The following CYREN variants were observed in gnomAD, a reference collection of about 807,000 sequenced individuals.
CYREN encodes cell cycle regulator of non-homologous end joining.
A neutral mutation model predicts 9.7 loss-of-function variants in CYREN; 7 were observed. The ratio of observed to expected loss-of-function variants is 0.72; its 90% CI spans 0.41 to 1.36. The LOEUF is 1.36. CYREN is among the 40% of genes most tolerant of loss of function. The pLI, the probability that CYREN is intolerant of heterozygous loss-of-function variation, is 0.01. For synonymous variants in CYREN, 76 were observed against 77.9 expected (o/e 0.98, Z 0.13); for missense variants, 215 against 198.1 (o/e 1.09, Z -0.51).
At position 135,115,641 on chromosome 7, in the gene CYREN, C is replaced by G. The variant is rs868252390; in HGVS notation, n.357-21059G>C. 5 of 1,426,156 alleles carry G rather than the reference C, an allele frequency of 3.5e-6. No homozygotes were observed. The Middle Eastern group carries it at 7.2e-4, about 205-fold the overall frequency. 88.3% of individuals were successfully genotyped at this position (1,426,156 alleles called of 1,614,324 possible). ...GTCAATACAATTTTATCACTCTTAT[C>G]TATTTAACACATCTTTTTTAAAAAA... On this transcript the variant is annotated intron_variant and non_coding_transcript_variant, in intron 2 of 2. Transcript: ENST00000459937.
At chr7:135,116,642 G>A (rs946690745) in intron 2 of CYREN, among the ~76,000 whole-genome samples, 4 of 152,172 alleles carry the variant, frequency 2.6e-5, no homozygotes, top group African/African-American at 9.7e-5. Context: ...GAGGGTCAAA[G>A]TTCTGGCTTC....
At chr7:135,150,204 C>G (rs973240620) in intron 2 of CYREN, among the ~76,000 whole-genome samples, 1 of 152,072 alleles carries the variant, frequency 6.6e-6, no homozygotes, top group African/African-American at 2.4e-5. Context: ...GTTAGCTGAT[C>G]AATTGCTTCA....
downstream of CYREN, among the ~76,000 whole-genome samples, chr7:135,161,257 CA>C (rs773873969): frequency 4.6e-5 from 7 of 152,186 alleles, no homozygotes; most frequent in East Asian, 1.9e-4. This position sits in a 1 kb window ranked among gnomAD's most constrained non-coding sequence, Gnocchi z 4.1. Context: ...GGAGCTGCCG[CA>C]AGGTGGCTGA....
intron 2 of CYREN, among the ~76,000 whole-genome samples, chr7:135,155,191 C>T (rs1043232808): frequency 6.6e-6 from 1 of 152,126 alleles, no homozygotes; most frequent in Non-Finnish European, 1.5e-5. Context: ...CATGGAATAT[C>T]TTTTTCCACC....
downstream of CYREN, chr7:135,164,425 G>T (rs754822323): frequency 4.4e-6 from 7 of 1,587,058 alleles, no homozygotes; most frequent in Non-Finnish European, 6.0e-6. Context: ...CAGGTCCCCC[G>T]GCAGAGGGCA....
chr7:135,137,908 CTCT>C (rs1385703377), intron 2 of CYREN, among the ~76,000 whole-genome samples: 2 of 152,012 alleles, frequency 1.3e-5, no homozygotes, highest in East Asian at 3.9e-4. Flanking sequence ...CATCCCACGT[CTCT>C]TCTTATGATC....
At chr7:135,149,534 G>A (rs1280857618) in intron 2 of CYREN, among the ~76,000 whole-genome samples, 1 of 152,156 alleles carries the variant, frequency 6.6e-6, no homozygotes, top group Non-Finnish European at 1.5e-5. Context: ...GCTGTCTTAG[G>A]ATAGATTTAT....
At chr7:135,112,125 C>G (rs1286300562) in intron 2 of CYREN, among the ~76,000 whole-genome samples, 1 of 152,198 alleles carries the variant, frequency 6.6e-6, no homozygotes, top group Admixed American at 6.5e-5. Context: ...TCTAAAGATT[C>G]TCTTGAATCT....
chr7:135,103,734 G>T (rs932453370), intron 2 of CYREN, among the ~76,000 whole-genome samples: 2 of 152,192 alleles, frequency 1.3e-5, no homozygotes, highest in African/African-American at 4.8e-5. Context: ...AATAAGCAGA[G>T]TCAGGCAGAT....
At chr7:135,150,338 GTTTA>G (rs1236329321) in intron 2 of CYREN, among the ~76,000 whole-genome samples, 2 of 152,100 alleles carry the variant, frequency 1.3e-5, no homozygotes, top group Non-Finnish European at 2.9e-5. Context: ...CACTCACCCT[GTTTA>G]TTTCTTTCCC....
At chr7:135,107,608 A>G (rs1352282780) in intron 2 of CYREN, among the ~76,000 whole-genome samples, 1 of 152,068 alleles carries the variant, frequency 6.6e-6, no homozygotes, top group Admixed American at 6.6e-5. Flanking sequence ...GTTCTTTTGC[A>G]TTTCCTGAGA....
chr7:135,094,372 T>G (rs749390723), exon 3 of CYREN: 12 of 456,578 alleles, frequency 2.6e-5, no homozygotes, highest in Non-Finnish European at 5.3e-5. Flanking sequence ...TGCTGAGATC[T>G]GCTTGTCTGA....
chr7:135,096,600 G>GATAGATAGATAGATAC (rs1563260291), intron 2 of CYREN, among the ~76,000 whole-genome samples: 1 of 80,810 alleles, frequency 1.2e-5, no homozygotes, highest in East Asian at 4.8e-4. Context: ...TAGATAGATA[G>GATAGATAGATAGATAC]ATAGATAGAT....
chr7:135,098,534 C>T (rs1823272306), intron 2 of CYREN, among the ~76,000 whole-genome samples: 1 of 152,172 alleles, frequency 6.6e-6, no homozygotes, highest in Admixed American at 6.5e-5. Flanking sequence ...ACAAACAATG[C>T]CAACTGTATT....
Position 135,169,005 on chromosome 7 carries a change from C to T in CYREN, c.-83G>A, listed in dbSNP as rs1830449463. The T allele has an allele frequency of 9.1e-6, 12 of 1,320,920 alleles. No individual in the cohort carries two copies. The highest frequency in any genetic ancestry group is 7.7e-5 in the East Asian group (3 of 39,036). 81.8% of individuals were successfully genotyped at this position (1,320,920 alleles called of 1,614,324 possible). Reference sequence around the variant, plus strand: ...TTCAGGAAGGTAAATCTCGTTCTCTCGTCACACCCGGAATTACAGGTCCAT... The same window carrying T: ...TTCAGGAAGGTAAATCTCGTTCTCTTGTCACACCCGGAATTACAGGTCCAT... On this transcript the variant is annotated 5_prime_UTR_variant, in exon 2 of 4. Coordinates refer to ENST00000393114, the MANE Select transcript of CYREN (RefSeq NM_024033.4).
intron 2 of CYREN, among the ~76,000 whole-genome samples, chr7:135,107,214 C>T (rs1438634433): frequency 1.3e-5 from 2 of 152,116 alleles, no homozygotes; most frequent in East Asian, 3.9e-4. Flanking sequence ...TCAGTCTCCT[C>T]CACTTCAGCT....
intron 2 of CYREN, among the ~76,000 whole-genome samples, chr7:135,153,450 T>C (rs1225267346): frequency 1.3e-5 from 1 of 77,674 alleles, no homozygotes; most frequent in Non-Finnish European, 2.4e-5. Context: ...CAAGACTCCA[T>C]CTCCACAAAA....
At chr7:135,154,999 G>C (rs1348872857) in intron 2 of CYREN, among the ~76,000 whole-genome samples, 1 of 152,090 alleles carries the variant, frequency 6.6e-6, no homozygotes, top group Non-Finnish European at 1.5e-5. Flanking sequence ...TATTTGTTTT[G>C]TTAATCTGGG....
chr7:135,163,580 G>C (rs1314427816), downstream of CYREN, among the ~76,000 whole-genome samples: 5 of 152,210 alleles, frequency 3.3e-5, no homozygotes, highest in Non-Finnish European at 5.9e-5. Flanking sequence ...GGGAGGCAGA[G>C]ATTGCAGTGA....
Sources: gnomAD v4.1 joint callset for allele counts (sites outside exome capture counted in the v4.1 genomes callset) on GRCh38, gnomAD v4.1.1 for gene constraint, Gnocchi (gnomAD v3.1) non-coding constraint, MANE v1.5 for transcripts, NCBI Gene and HGNC (gene_info 2026-07-23, HGNC 2026-07-21) for gene names.